Variants in TASOR2 observed in about 807,000 individuals in gnomAD.
TASOR2 encodes the protein transcription activation suppressor family member 2.
A neutral mutation model predicts 199.5 loss-of-function variants in TASOR2; 84 were observed. That is an observed-to-expected ratio of 0.42 (90% CI 0.35 to 0.50). The LOEUF (loss-of-function observed/expected upper bound fraction) is 0.50. TASOR2 is among the 20% of genes least tolerant of loss of function. TASOR2 has a pLI of 0.02. For missense variants in TASOR2, 2,796 were observed against 2,835.9 expected (o/e 0.99, Z 0.32); for synonymous variants, 1,103 against 1,046.6 (o/e 1.05, Z -1.04).
At chr10:5,728,420 G>A (rs895545133) in intron 10 of TASOR2, among the ~76,000 whole-genome samples, 2 of 151,544 alleles carry the variant, frequency 1.3e-5, no homozygotes, top group African/African-American at 4.9e-5. Context: ...GGTGGATCAC[G>A]AGGTCAGGAG....
At chr10:5,758,410 G>A (rs1227433196) in intron 17 of TASOR2, among the ~76,000 whole-genome samples, 1 of 152,094 alleles carries the variant, frequency 6.6e-6, no homozygotes, top group East Asian at 1.9e-4. Context: ...CTGTGGTAGT[G>A]TGTGCCTGTA....
Position 5,761,417 on chromosome 10 carries a change from T to C in TASOR2, c.7120T>C (p.Leu2374=), listed in dbSNP as rs191790060. Residue 2374 remains leucine, a synonymous_variant, in exon 19 of 21, where the codon TTG becomes CTG. Transcript: ENST00000328090. ...AACAAAAGCAGAAATTCTGAAATGT[T>C]TGCTAAACCTGCAAATTCAGCATAT... The C allele has an allele frequency of 2.4e-5, 38 of 1,613,820 alleles. No homozygotes were observed. Among genetic ancestry groups the C allele is most frequent in the Non-Finnish European group, 2.9e-5 (34 of 1,180,022 alleles).
chr10:5,707,017 T>C (rs1340682260), intron 1 of TASOR2, among the ~76,000 whole-genome samples: 2 of 145,692 alleles, frequency 1.4e-5, no homozygotes, highest in African/African-American at 5.1e-5. Flanking sequence ...AAAAAAAAAG[T>C]AAGCACCCAA....
chr10:5,753,300 C>T (rs1161450248), intron 15 of TASOR2, among the ~76,000 whole-genome samples: 1 of 152,154 alleles, frequency 6.6e-6, no homozygotes, highest in Admixed American at 6.5e-5. Context: ...GGAAGCTGCT[C>T]TTTAGCCTAA....
At chr10:5,733,406 G>A (rs1835124603) in intron 11 of TASOR2, among the ~76,000 whole-genome samples, 1 of 152,160 alleles carries the variant, frequency 6.6e-6, no homozygotes, top group South Asian at 2.1e-4. Context: ...AACTTGGGAG[G>A]CTGAGACACG....
intron 1 of TASOR2, among the ~76,000 whole-genome samples, chr10:5,695,055 G>A (rs187877017): frequency 1.3e-5 from 2 of 152,132 alleles, no homozygotes; most frequent in East Asian, 3.9e-4. Context: ...TCTAGTTTTG[G>A]TATTCGCATC....
At chr10:5,723,405 A>G (rs1178422977) in intron 6 of TASOR2, among the ~76,000 whole-genome samples, 1 of 152,010 alleles carries the variant, frequency 6.6e-6, no homozygotes, top group Non-Finnish European at 1.5e-5. Flanking sequence ...TCCTGTATAC[A>G]TAATTTTTTT....
chr10:5,709,743 A>G (rs1038534899), intron 1 of TASOR2: 192 of 1,147,702 alleles, frequency 1.7e-4, no homozygotes, highest in Non-Finnish European at 2.0e-4. Flanking sequence ...GTTTTAATTT[A>G]GATCATGTAA....
chr10:5,737,525 G>A lies in TASOR2; in HGVS notation c.1447+1979G>A, dbSNP rs1245501258. 2.0e-5 allele frequency among the ~76,000 whole-genome samples: 3 copies of A among 151,638 alleles called. No individual in the cohort carries two copies. Among genetic ancestry groups the A allele is most frequent in the Admixed American group, 6.6e-5 (1 of 15,224 alleles). ...GTTGCCACCGTGCTCCTTCCCCTGC[G>A]GCCCTCTGTGCCTCCCCCAGGCAAC... On this transcript the variant is annotated intron_variant, in intron 12 of 20. Transcript: ENST00000328090. This position sits in a 1 kb window ranked among gnomAD's most constrained non-coding sequence, Gnocchi z 4.9.
At chr10:5,697,293 C>CTTT (rs35615005) in intron 1 of TASOR2, among the ~76,000 whole-genome samples, 11 of 1,866 alleles carry the variant, frequency 5.9e-3, no homozygotes, top group Middle Eastern at 0.17. Flanking sequence ...AAAAGGAAAC[C>CTTT]TTAACTTTAA....
chr10:5,713,303 T>C (rs572819389), intron 2 of TASOR2, among the ~76,000 whole-genome samples: 10 of 152,176 alleles, frequency 6.6e-5, no homozygotes, highest in Non-Finnish European at 1.5e-4. Flanking sequence ...GGGAGATAAA[T>C]CATGTAACTT....
Position 5,748,917 on chromosome 10 carries a change from A to G in TASOR2, c.5496A>G (p.Leu1832=). 6.2e-7 allele frequency: 1 copy of G among 1,614,146 alleles called. No homozygotes were observed. The highest frequency in any genetic ancestry group is 1.7e-5 in the Admixed American group (1 of 60,006). The stretch of plus-strand genomic sequence containing the variant: ...ATGAACTCTCTGGAGATTCTGATCT[A>G]GACCTGCTTGGTGATTGTAGAAATC... Residue 1832 remains leucine (L), a synonymous_variant, in exon 15 of 21, where the codon CTA becomes CTG. Coordinates refer to ENST00000328090, the Ensembl canonical transcript of TASOR2. This position sits in a 1 kb window ranked among gnomAD's most constrained non-coding sequence, Gnocchi z 5.1.
rs1195611235 is a variant in TASOR2 at position 5,687,825 on chromosome 10, T to G, written c.-288+2650T>G. Among the ~76,000 whole-genome samples, 1 of 152,230 alleles carries G rather than the reference T, an allele frequency of 6.6e-6. No individual in the cohort carries two copies. Among genetic ancestry groups the G allele is most frequent in the East Asian group, 1.9e-4 (1 of 5,202 alleles). ...AGAGTGAGACTCCGTCTCAAAAGAC[T>G]GCTGAAGATCCCAAAGATCTTTTGT... On this transcript the variant is annotated intron_variant, in intron 1 of 20. Transcript: ENST00000328090. This position sits in a 1 kb window ranked among gnomAD's most constrained non-coding sequence, Gnocchi z 4.8.
intron 20 of TASOR2, 167 bp from the exon 22 acceptor site, chr10:5,762,862 T>C: frequency 3.0e-6 from 2 of 663,384 alleles, no homozygotes; most frequent in Non-Finnish European, 5.1e-6. Flanking sequence ...AAATTACCTA[T>C]TTTATCTAAT....
intron 1 of TASOR2, chr10:5,712,421 A>T (rs1832043879): frequency 8.1e-7 from 1 of 1,231,148 alleles, no homozygotes; most frequent in Non-Finnish European, 1.0e-6. Flanking sequence ...TTGAGTTCAG[A>T]CTCTCTCTTC....
chr10:5,749,552 T>C (rs1837723593), exon 15 of TASOR2: 1 of 1,613,974 alleles, frequency 6.2e-7, no homozygotes. Context: ...GTAACAGTTG[T>C]GGAGTCAGAT....
chr10:5,759,103 A>G (rs768648160), intron 18 of TASOR2, 111 bp downstream of exon 19: 7 of 720,874 alleles, frequency 9.7e-6, no homozygotes, highest in East Asian at 2.6e-5. Context: ...CTTCATCAGT[A>G]AAGAGCATGA....
intron 1 of TASOR2, among the ~76,000 whole-genome samples, chr10:5,700,595 A>G (rs1837702777): frequency 6.6e-6 from 1 of 152,034 alleles, no homozygotes; most frequent in Non-Finnish European, 1.5e-5. Context: ...GCCGGCATTC[A>G]TTATTGCTTG....
chr10:5,702,650 TTTTTTTTTTTTG>T lies in TASOR2; in HGVS notation c.-287-10172_-287-10161del, dbSNP rs1838024277. On this transcript the variant is annotated intron_variant, in intron 1 of 20. Transcript: ENST00000328090. The stretch of plus-strand genomic sequence containing the variant: ...TAAAATGGTCATTTTTTTTTTTTTT[TTTTTTTTTTTTG>T]GTAAGTAAGGATAGATACGACAGCC... 7.0e-5 allele frequency among the ~76,000 whole-genome samples: 10 copies of T among 141,886 alleles called. No homozygotes were observed. In the South Asian group the frequency reaches 1.7e-3, roughly 24 times the overall value. The allele number at this position is 141,886 out of a possible 152,430, so 93.1% of individuals were successfully genotyped here.
Sources: allele counts gnomAD v4.1 joint callset (sites outside exome capture counted in the v4.1 genomes callset), GRCh38; gene constraint gnomAD v4.1.1; non-coding constraint Gnocchi (gnomAD v3.1); transcripts MANE v1.5; gene names NCBI Gene and HGNC (gene_info 2026-07-23, HGNC 2026-07-21).